Variants in RBFOX1 observed in about 807,000 individuals in gnomAD.
RBFOX1 encodes the protein RNA binding protein fox-1 homolog 1.
In RBFOX1, 8 loss-of-function variants were observed where a neutral mutation model predicts 57.7. The ratio of observed to expected loss-of-function variants is 0.14; its 90% CI spans 0.08 to 0.25. The LOEUF (loss-of-function observed/expected upper bound fraction) is 0.25. Among genes scored for constraint, RBFOX1 ranks in the 10% least tolerant of loss-of-function variants. The pLI, the probability that RBFOX1 is intolerant of heterozygous loss-of-function variation, is 1.00. For missense variants in RBFOX1, 611 were observed against 548.5 expected (o/e 1.11, Z -1.14); for synonymous variants, 326 against 222.4 (o/e 1.47, Z -4.15).
Position 7,710,854 on chromosome 16 carries a change from A to AG in RBFOX1, c.*109_*110insG. On this transcript the variant is annotated 3_prime_UTR_variant, in exon 16 of 16. Transcript: ENST00000550418. ...TCATTTTAGCAACTCTAAAAAAAAA[A>AG]AAAATACAAATAAAAAGGAAAAAAA... 5 of 1,089,096 alleles carry AG rather than the reference A, an allele frequency of 4.6e-6. No homozygotes were observed. The highest frequency in any genetic ancestry group is 6.0e-6 in the Non-Finnish European group (5 of 831,608). 67.5% of individuals were successfully genotyped at this position (1,089,096 alleles called of 1,614,324 possible).
At chr16:6,509,254 G>A (rs802694) in intron 2 of RBFOX1, among the ~76,000 whole-genome samples, 18,781 of 152,096 alleles carry the variant, frequency 0.12, 1,936 homozygotes, top group East Asian at 0.42. Flanking sequence ...TTTCCTATGC[G>A]GTTATTTGAG....
chr16:6,277,909 C>G (rs1463554401), intron 1 of RBFOX1, among the ~76,000 whole-genome samples: 2 of 152,104 alleles, frequency 1.3e-5, no homozygotes, highest in East Asian at 1.9e-4. Context: ...TACGGTTACC[C>G]TCGTGTAAGC....
At chr16:5,660,648 TA>T (rs1413124906) in intron 3 of RBFOX1, among the ~76,000 whole-genome samples, 8 of 152,316 alleles carry the variant, frequency 5.3e-5, no homozygotes, top group South Asian at 2.1e-4. Flanking sequence ...CACAGTTCAT[TA>T]TTTTTTTTTA....
At position 6,569,267 on chromosome 16, in the gene RBFOX1, A is replaced by G. The variant is rs560998483; in HGVS notation, c.-63-85336A>G. Among the ~76,000 whole-genome samples the G allele has an allele frequency of 3.9e-5, 6 of 152,294 alleles. No individual in the cohort carries two copies. The South Asian group carries it at 1.0e-3, about 26-fold the overall frequency. On this transcript the variant is annotated intron_variant, in intron 2 of 15. Coordinates refer to ENST00000550418, the MANE Select transcript of RBFOX1 (RefSeq NM_018723.4). ...TTACTCCCAAAGTTAGCCTCTCAAA[A>G]CAACAAACATTTCTTTTTGTTGAAT...
intron 1 of RBFOX1, among the ~76,000 whole-genome samples, chr16:5,424,097 A>G (rs893762293): frequency 1.3e-5 from 2 of 152,134 alleles, no homozygotes; most frequent in Admixed American, 6.5e-5. Context: ...TATCCCCACT[A>G]TGTGCCTCTC....
intron 5 of RBFOX1, among the ~76,000 whole-genome samples, chr16:7,544,214 C>A: frequency 6.6e-6 from 1 of 152,128 alleles, no homozygotes; most frequent in East Asian, 1.9e-4. Flanking sequence ...GTGAAAGTTA[C>A]TTGATGGTGA....
chr16:5,270,932 C>G (rs746107896), intron 1 of RBFOX1: 1 of 391,128 alleles, frequency 2.6e-6, no homozygotes, highest in East Asian at 7.5e-5. Flanking sequence ...GGGTATGAAC[C>G]ACTAGTCCAA....
At chr16:6,583,804 A>G (rs1316701842) in intron 2 of RBFOX1, among the ~76,000 whole-genome samples, 3 of 152,250 alleles carry the variant, frequency 2.0e-5, no homozygotes, top group Admixed American at 6.5e-5. Flanking sequence ...ACGCCAAAAT[A>G]AATGTTTCAT....
intron 4 of RBFOX1, among the ~76,000 whole-genome samples, chr16:7,151,090 C>G (rs1023017330): frequency 1.3e-5 from 2 of 152,148 alleles, no homozygotes; most frequent in African/African-American, 2.4e-5. Flanking sequence ...GTGTATTCTA[C>G]TTTCAGGAAC....
intron 5 of RBFOX1, among the ~76,000 whole-genome samples, chr16:7,546,800 C>A (rs2084673547): frequency 6.6e-6 from 1 of 152,142 alleles, no homozygotes; most frequent in Non-Finnish European, 1.5e-5. Context: ...TGTAGTTGGA[C>A]ACTTAAATTT....
At chr16:6,178,663 G>C (rs189410707) in intron 1 of RBFOX1, among the ~76,000 whole-genome samples, 42 of 152,092 alleles carry the variant, frequency 2.8e-4, no homozygotes, top group Non-Finnish European at 5.4e-4. Flanking sequence ...TAGAATCTTT[G>C]AGCCCGGATG....
At chr16:7,056,615 A>G (rs374037357) in intron 4 of RBFOX1, among the ~76,000 whole-genome samples, 8 of 152,180 alleles carry the variant, frequency 5.3e-5, no homozygotes, top group Admixed American at 3.3e-4. Context: ...GTTTCCCTGA[A>G]CTATCTACCA....
rs148472437 is a variant in RBFOX1, at chr16:6,009,816, CTG to C, written c.351+142499_351+142500del. Among the ~76,000 whole-genome samples the C allele has an allele frequency of 5.4e-5, 8 of 148,448 alleles. No individual in the cohort carries two copies. In the East Asian group the frequency reaches 6.0e-4, roughly 11 times the overall value. On this transcript the variant is annotated intron_variant, in intron 4 of 19. Transcript: ENST00000641259. ...GCAGTGTGTGTATGTGTGTGTGTGT[CTG>C]TGTGTGTGTGTGTGTGTATAGGGGG...
chr16:6,746,976 G>A (rs2073821207), intron 3 of RBFOX1, among the ~76,000 whole-genome samples: 1 of 152,032 alleles, frequency 6.6e-6, no homozygotes, highest in Non-Finnish European at 1.5e-5. Flanking sequence ...CTCTCCTGTG[G>A]AGCTATACTA....
intron 2 of RBFOX1, among the ~76,000 whole-genome samples, chr16:5,559,481 T>C (rs570193004): frequency 1.2e-4 from 18 of 152,278 alleles, no homozygotes; most frequent in Admixed American, 6.5e-4. Context: ...TACAGTGTTT[T>C]TGCAGGCAAA....
intron 4 of RBFOX1, among the ~76,000 whole-genome samples, chr16:7,201,520 G>C (rs2088471710): frequency 6.6e-6 from 1 of 150,980 alleles, no homozygotes; most frequent in Admixed American, 6.6e-5. Context: ...GGAGTGCAAT[G>C]GCACAATCTG....
chr16:7,217,000 C>CTCCTTCCCT (rs2092159814), intron 4 of RBFOX1, among the ~76,000 whole-genome samples: 1 of 103,640 alleles, frequency 9.6e-6, no homozygotes, highest in Non-Finnish European at 2.0e-5. Flanking sequence ...TCCTTCCTCC[C>CTCCTTCCCT]TCCCTCCCTT....
intron 3 of RBFOX1, among the ~76,000 whole-genome samples, chr16:7,011,550 G>C (rs1170613460): frequency 1.3e-5 from 2 of 152,140 alleles, no homozygotes; most frequent in South Asian, 2.1e-4. Context: ...GTCTTGCTTT[G>C]TCGCACAGGC....
At chr16:7,376,447 T>G (rs2147693940) in intron 4 of RBFOX1, among the ~76,000 whole-genome samples, 1 of 152,326 alleles carries the variant, frequency 6.6e-6, no homozygotes, top group Admixed American at 6.5e-5. Flanking sequence ...ACAGGTTAAG[T>G]GATTTTTGCC....
Sources: allele counts gnomAD v4.1 joint callset (sites outside exome capture counted in the v4.1 genomes callset), GRCh38; gene constraint gnomAD v4.1.1; transcripts MANE v1.5; gene names NCBI Gene and HGNC (gene_info 2026-07-23, HGNC 2026-07-21).